YIPF7: variants seen among roughly 807,000 people sequenced by gnomAD.
The protein encoded by YIPF7 is protein YIPF7.
Under a neutral mutation model 27.2 loss-of-function variants are expected in YIPF7, and 35 were observed. The ratio of observed to expected loss-of-function variants is 1.29; its 90% CI spans 0.98 to 1.70. The LOEUF is 1.70. YIPF7 is among the 40% of genes most tolerant of loss of function. The probability of loss-of-function intolerance (pLI) is 0.00; values close to 1 mark genes in which losing one functional copy is unlikely to be tolerated. For synonymous variants in YIPF7, 137 were observed against 110.4 expected (o/e 1.24, Z -1.51); for missense variants, 358 against 303.7 (o/e 1.18, Z -1.33).
intron 2 of YIPF7, among the ~76,000 whole-genome samples, chr4:44,649,710 A>G (rs1353500243): frequency 6.6e-6 from 1 of 152,032 alleles, no homozygotes; most frequent in Non-Finnish European, 1.5e-5. Flanking sequence ...CCCAGGAGGC[A>G]GAGACAGCAG....
chr4:44,654,065 C>T (rs1279806019), upstream of YIPF7, among the ~76,000 whole-genome samples: 2 of 149,556 alleles, frequency 1.3e-5, no homozygotes, highest in Non-Finnish European at 3.0e-5. Context: ...GAATTATAAA[C>T]CATGGAACAT....
intron 4 of YIPF7, among the ~76,000 whole-genome samples, chr4:44,628,054 A>C (rs2109578399): frequency 6.6e-6 from 1 of 152,312 alleles, no homozygotes; most frequent in East Asian, 1.9e-4. Flanking sequence ...AAGATGAGTT[A>C]ATATATTAAA....
intron 5 of YIPF7, among the ~76,000 whole-genome samples, chr4:44,622,921 T>A (rs1365569935): frequency 6.6e-6 from 1 of 152,208 alleles, no homozygotes; most frequent in Non-Finnish European, 1.5e-5. Flanking sequence ...AGCTACAGAT[T>A]TCCTTTTCCC....
rs75860394 is a variant in YIPF7, at chr4:44,639,034, G to A, written c.117-2949C>T. ...ACCTTATTTACATGTTTTCTATTATGTTCCATTGATCTATATGTCTATTTT... is the reference window on the plus strand; with the variant it reads ...ACCTTATTTACATGTTTTCTATTATATTCCATTGATCTATATGTCTATTTT... On this transcript the variant is annotated intron_variant, in intron 2 of 5. Transcript: ENST00000415895. 9.4e-3 allele frequency among the ~76,000 whole-genome samples: 1,431 copies of A among 152,170 alleles called. 10 individuals are homozygous for A. Among genetic ancestry groups the A allele is most frequent in the Non-Finnish European group, 0.014 (965 of 67,980 alleles).
intron 2 of YIPF7, among the ~76,000 whole-genome samples, chr4:44,657,408 A>C (rs1713928295): frequency 6.6e-6 from 1 of 152,204 alleles, no homozygotes; most frequent in South Asian, 2.1e-4. Flanking sequence ...ATAATGTTTT[A>C]AATACAATTG....
At chr4:44,624,190 G>A (rs188814214) in intron 5 of YIPF7, among the ~76,000 whole-genome samples, 418 of 151,482 alleles carry the variant, frequency 2.8e-3, no homozygotes, top group African/African-American at 9.4e-3. Flanking sequence ...TCAGCCTCCC[G>A]AGTAGATGGG....
At chr4:44,639,995 A>G (rs1022091577) in intron 2 of YIPF7, among the ~76,000 whole-genome samples, 2 of 152,194 alleles carry the variant, frequency 1.3e-5, no homozygotes, top group Non-Finnish European at 2.9e-5. Flanking sequence ...TATCACATTT[A>G]TTGCTTTACA....
At chr4:44,641,058 C>G (rs536819431) in intron 2 of YIPF7, among the ~76,000 whole-genome samples, 2 of 152,178 alleles carry the variant, frequency 1.3e-5, no homozygotes, top group South Asian at 4.2e-4. Flanking sequence ...AGTCAAGGTG[C>G]TCTCCCATAA....
At chr4:44,636,306 AG>A (rs1713119029) in intron 2 of YIPF7, among the ~76,000 whole-genome samples, 1 of 152,214 alleles carries the variant, frequency 6.6e-6, no homozygotes, top group Non-Finnish European at 1.5e-5. Context: ...ACATTAATTG[AG>A]CATGGACAAC....
chr4:44,629,094 T>G (rs1712780386), intron 4 of YIPF7: 1 of 210,996 alleles, frequency 4.7e-6, no homozygotes, highest in African/African-American at 2.3e-5. Context: ...AGGCCTTATA[T>G]CTCCCAAATC....
chr4:44,645,243 G>T (rs1713485941), intron 2 of YIPF7, among the ~76,000 whole-genome samples: 1 of 152,026 alleles, frequency 6.6e-6, no homozygotes, highest in Non-Finnish European at 1.5e-5. Flanking sequence ...CACATATTAT[G>T]AATTTACATT....
intron 2 of YIPF7, among the ~76,000 whole-genome samples, chr4:44,643,232 C>A (rs1713399507): frequency 2.0e-5 from 3 of 152,118 alleles, no homozygotes; most frequent in Non-Finnish European, 4.4e-5. Flanking sequence ...TATGCTTTAG[C>A]AAAGAGACTG....
Position 44,622,488 on chromosome 4 carries a change from C to T in YIPF7, c.697G>A (p.Glu233Lys). 1 of 1,613,908 alleles carries T rather than the reference C, an allele frequency of 6.2e-7. No individual in the cohort carries two copies. The highest frequency in any genetic ancestry group is 8.5e-7 in the Non-Finnish European group (1 of 1,179,850). ...TAGGCAACAAGAAGCTGCTGTCCTT[C>T]CATGTGCAAGGCTGCAATGAAGATC... ...SKIFIAALHM[E>K]GQQLLVAYPC... is the part of the protein sequence containing the mutation. Residue 233 changes from glutamate to lysine, a missense_variant, in exon 6 of 6, where the codon GAA (glutamate) becomes AAA (lysine). Coordinates refer to ENST00000415895, the MANE Select transcript of YIPF7 (RefSeq NM_182592.3).
chr4:44,635,134 A>G (rs919011861), intron 3 of YIPF7, among the ~76,000 whole-genome samples: 1 of 152,218 alleles, frequency 6.6e-6, no homozygotes, highest in Non-Finnish European at 1.5e-5. Context: ...ACTTGACTAC[A>G]TGCAAAGGAC....
chr4:44,662,132 C>A (rs1714054483), intron 1 of YIPF7, among the ~76,000 whole-genome samples: 2 of 152,178 alleles, frequency 1.3e-5, no homozygotes, highest in African/African-American at 2.4e-5. Context: ...CATTACAAGA[C>A]CCCTAGTGGG....
chr4:44,635,083 T>C (rs1225037100), intron 3 of YIPF7, among the ~76,000 whole-genome samples: 2 of 152,210 alleles, frequency 1.3e-5, no homozygotes, highest in Admixed American at 1.3e-4. Context: ...CCTTTACATC[T>C]TGTGATGTAA....
intron 2 of YIPF7, among the ~76,000 whole-genome samples, chr4:44,642,547 A>G (rs964416576): frequency 6.6e-6 from 1 of 152,184 alleles, no homozygotes; most frequent in Non-Finnish European, 1.5e-5. Flanking sequence ...AAAAATCTGT[A>G]AATGATATAG....
chr4:44,641,431 A>G (rs1332222806), intron 2 of YIPF7, among the ~76,000 whole-genome samples: 1 of 152,048 alleles, frequency 6.6e-6, no homozygotes, highest in African/African-American at 2.4e-5. Flanking sequence ...TTTGCTTTTT[A>G]TTTTTATTCA....
intron 5 of YIPF7, among the ~76,000 whole-genome samples, chr4:44,623,001 A>T (rs567300370): frequency 1.3e-5 from 2 of 152,194 alleles, no homozygotes; most frequent in Non-Finnish European, 2.9e-5. Flanking sequence ...TGGGGTGCCT[A>T]GTTCCCACTA....
Sources: gnomAD v4.1 joint callset for allele counts (sites outside exome capture counted in the v4.1 genomes callset) on GRCh38, gnomAD v4.1.1 for gene constraint, MANE v1.5 for transcripts, NCBI Gene and HGNC (gene_info 2026-07-23, HGNC 2026-07-21) for gene names.